TEX9: variants seen among roughly 807,000 people sequenced by gnomAD.
TEX9 encodes testis expressed 9, also known as testis-expressed protein 9.
A neutral mutation model predicts 59.6 loss-of-function variants in TEX9; 74 were observed. That is an observed-to-expected ratio of 1.24 (90% CI 1.03 to 1.51). The LOEUF (loss-of-function observed/expected upper bound fraction) is 1.51, where lower values mean the gene tolerates loss of function less well. TEX9 is among the 40% of genes most tolerant of loss of function. The pLI, the probability that TEX9 is intolerant of heterozygous loss-of-function variation, is 0.00. For synonymous variants in TEX9, 186 were observed against 152.2 expected (o/e 1.22, Z -1.64); for missense variants, 522 against 447.8 (o/e 1.17, Z -1.49).
intron 6 of TEX9, among the ~76,000 whole-genome samples, chr15:56,390,565 T>G (rs2048160289): frequency 6.6e-6 from 1 of 152,094 alleles, no homozygotes; most frequent in Non-Finnish European, 1.5e-5. Flanking sequence ...TTTGTTGATG[T>G]GTCAATGAAT....
intron 12 of TEX9, among the ~76,000 whole-genome samples, chr15:56,430,596 T>TATAACTTCCTACTGTAGAGCAGATCTGTC (rs1313766366): frequency 8.5e-5 from 13 of 152,242 alleles, no homozygotes; most frequent in Non-Finnish European, 1.8e-4. Context: ...TTTAACTAGT[T>TATAACTTCCTACTGTAGAGCAGATCTGTC]ATAACTTCCT....
upstream of TEX9, among the ~76,000 whole-genome samples, chr15:56,363,338 C>A (rs2046826511): frequency 6.6e-6 from 1 of 151,232 alleles, no homozygotes; most frequent in South Asian, 2.1e-4. Context: ...TATCTCGGCT[C>A]ACTGCAACTT....
intron 9 of TEX9, chr15:56,408,474 C>T (rs2049184915): frequency 3.3e-5 from 5 of 152,200 alleles, no homozygotes; most frequent in African/African-American, 1.2e-4. Flanking sequence ...CTTAGATTAT[C>T]TCATTCAGTT....
intron 10 of TEX9, among the ~76,000 whole-genome samples, chr15:56,426,038 A>G (rs1053767138): frequency 3.3e-5 from 5 of 152,088 alleles, no homozygotes; most frequent in Non-Finnish European, 1.5e-5. Flanking sequence ...TAGATGCTGT[A>G]TTTTATTCCT....
In TEX9 at chr15:56,336,385, A is replaced by ACTAG. The variant is rs565698529; in HGVS notation, c.-106-37049_-106-37046dup. On this transcript the variant is annotated intron_variant, in intron 1 of 5. Coordinates refer to the TEX9 transcript ENST00000560827. Reference sequence around the variant, plus strand: ...AGATTTCCTTATAAGAAATCAGAGAACTAGCTAGCTCTCTTTCTCCCATGT... The same window carrying ACTAG: ...AGATTTCCTTATAAGAAATCAGAGAACTAGCTAGCTAGCTCTCTTTCTCCCATGT... Among the ~76,000 whole-genome samples the ACTAG allele has an allele frequency of 2.8e-3, 424 of 152,178 alleles. 4 individuals are homozygous for ACTAG. The highest frequency in any genetic ancestry group is 9.7e-3 in the African/African-American group (404 of 41,512).
At chr15:56,439,404 T>G (rs2050781779) in intron 12 of TEX9, among the ~76,000 whole-genome samples, 1 of 151,320 alleles carries the variant, frequency 6.6e-6, no homozygotes, top group Non-Finnish European at 1.5e-5. Context: ...GAGACAAGAT[T>G]CTTCAAAAAT....
At chr15:56,321,153 G>A (rs1447379525) in intron 1 of TEX9, among the ~76,000 whole-genome samples, 4 of 152,126 alleles carry the variant, frequency 2.6e-5, no homozygotes, top group Non-Finnish European at 4.4e-5. Context: ...TAGTAGATGC[G>A]AATGATTAGT....
chr15:56,326,482 A>C (rs2046022294), intron 1 of TEX9, among the ~76,000 whole-genome samples: 1 of 152,210 alleles, frequency 6.6e-6, no homozygotes, highest in Non-Finnish European at 1.5e-5. Flanking sequence ...GTTTTACATA[A>C]ATAATCTGAG....
At chr15:56,430,490 G>A (rs1024225214) in intron 12 of TEX9, among the ~76,000 whole-genome samples, 5 of 152,168 alleles carry the variant, frequency 3.3e-5, no homozygotes, top group African/African-American at 1.2e-4. Context: ...ATAGGCATGA[G>A]TTGCCATGCC....
At chr15:56,247,142 G>A (rs1419239509) in intron 1 of TEX9, among the ~76,000 whole-genome samples, 1 of 152,090 alleles carries the variant, frequency 6.6e-6, no homozygotes, top group Non-Finnish European at 1.5e-5. Context: ...GCTCTCTTGT[G>A]TCTGTAAACC....
At chr15:56,405,600 T>A (rs1181203446) in intron 9 of TEX9, among the ~76,000 whole-genome samples, 1 of 152,188 alleles carries the variant, frequency 6.6e-6, no homozygotes, top group East Asian at 1.9e-4. Context: ...AAAGCTTCCA[T>A]TGGATCTGAA....
At chr15:56,420,071 G>A (rs80355443) in intron 10 of TEX9, among the ~76,000 whole-genome samples, 4,239 of 151,718 alleles carry the variant, frequency 0.028, 278 homozygotes, top group African/African-American at 0.097. Context: ...TTTTACACTA[G>A]TTCCTTATTG....
intron 12 of TEX9, chr15:56,431,299 C>CT: frequency 6.4e-7 from 1 of 1,553,866 alleles, no homozygotes; most frequent in Non-Finnish European, 8.7e-7. Flanking sequence ...CCAAGGCACT[C>CT]TAAAATCCAA....
chr15:56,272,027 G>T (rs374149044), intron 1 of TEX9, among the ~76,000 whole-genome samples: 8 of 151,872 alleles, frequency 5.3e-5, no homozygotes, highest in African/African-American at 1.7e-4. Flanking sequence ...ACCGGTAGTC[G>T]CAGCTACTCG....
chr15:56,350,993 A>G (rs1268890263), intron 1 of TEX9, among the ~76,000 whole-genome samples: 1 of 152,192 alleles, frequency 6.6e-6, no homozygotes, highest in Non-Finnish European at 1.5e-5. Context: ...AGCTTCACTG[A>G]GAGTCACTGT....
At chr15:56,315,335 A>T (rs1288589946) in intron 1 of TEX9, among the ~76,000 whole-genome samples, 2 of 145,180 alleles carry the variant, frequency 1.4e-5, no homozygotes, top group South Asian at 4.6e-4. Context: ...AGCTCTTGTA[A>T]GGCAGGCCTG....
At position 56,395,013 on chromosome 15, in the gene TEX9, A is replaced by C. The variant is rs2048395629; in HGVS notation, c.828+179A>C. 4.7e-6 allele frequency: 3 copies of C among 638,082 alleles called. No homozygotes were observed. The South Asian group carries it at 7.4e-5, about 16-fold the overall frequency. The allele number at this position is 638,082 out of a possible 1,614,324, so 39.5% of individuals were successfully genotyped here. ...TATTGAGATGTAATTCACCCTTTTA[A>C]AGTATGCAATTCAATGGCTTTTGGT... On this transcript the variant is annotated intron_variant, in intron 9 of 12. Coordinates refer to ENST00000352903, the Ensembl canonical transcript of TEX9.
chr15:56,403,646 G>T, intron 9 of TEX9, among the ~76,000 whole-genome samples: 1 of 152,154 alleles, frequency 6.6e-6, no homozygotes. Flanking sequence ...AAGTTCACGT[G>T]GAACCAAAAA....
chr15:56,418,846 A>T (rs2049830299), intron 10 of TEX9, among the ~76,000 whole-genome samples: 1 of 151,994 alleles, frequency 6.6e-6, no homozygotes, highest in Non-Finnish European at 1.5e-5. Flanking sequence ...TAACCAAGCC[A>T]ATAAATGCCT....
Sources: gnomAD v4.1 joint callset for allele counts (sites outside exome capture counted in the v4.1 genomes callset) on GRCh38, gnomAD v4.1.1 for gene constraint, MANE v1.5 for transcripts, NCBI Gene and HGNC (gene_info 2026-07-23, HGNC 2026-07-21) for gene names.